Variants in COL4A2 observed in about 807,000 individuals in gnomAD.
COL4A2 encodes collagen type IV alpha 2 chain.
COL4A2 carries 99 observed loss-of-function variants against 200.2 expected under a neutral mutation model. The observed-to-expected ratio is 0.49, with a 90% CI of 0.42 to 0.58. COL4A2 has a LOEUF of 0.58. COL4A2 is among the 20% of genes least tolerant of loss of function. The probability of loss-of-function intolerance (pLI) is 0.00; values close to 1 mark genes in which losing one functional copy is unlikely to be tolerated. For synonymous variants in COL4A2, 897 were observed against 900.6 expected, an observed-to-expected ratio of 1.00 and a Z score of 0.07; for missense variants, 1,950 against 2,314.1, an observed-to-expected ratio of 0.84 and a Z score of 3.23.
chr13:110,368,640 T>G (rs1487114620), intron 4 of COL4A2, among the ~76,000 whole-genome samples: 1 of 152,096 alleles, frequency 6.6e-6, no homozygotes, highest in Non-Finnish European at 1.5e-5. Flanking sequence ...AGGGGAGAGA[T>G]GACCAGGGAG....
Position 110,480,235 on chromosome 13 carries a change from G to T in COL4A2, c.2603G>T (p.Arg868Ile), listed in dbSNP as rs1420866067. 6.2e-7 allele frequency: 1 copy of T among 1,606,074 alleles called. No individual in the cohort carries two copies. ...TTCCTGACAGGTCTGCCTGGTGATAGAGGGGACCCTGGGGACACAGGCGCT... is the reference window on the plus strand; with the variant it reads ...TTCCTGACAGGTCTGCCTGGTGATATAGGGGACCCTGGGGACACAGGCGCT... The part of the protein sequence containing the change: ...IPGREGLPGD[R>I]GDPGDTGAPG... The change falls in exon 31 of 48, where the codon AGA (arginine) becomes ATA (isoleucine). Residue 868 changes from arginine to isoleucine, a missense_variant. Arg to Ile is a moderately conservative substitution (Grantham distance 97). This residue lies in a region of COL4A2 where 1,385 missense variants were observed against 1,720.5 expected (regional missense o/e 0.80). Coordinates refer to ENST00000360467, the MANE Select transcript of COL4A2 (RefSeq NM_001846.4).
At chr13:110,310,012 A>C (rs75163439) in intron 3 of COL4A2, among the ~76,000 whole-genome samples, 1,823 of 152,210 alleles carry the variant, frequency 0.012, 28 homozygotes, top group African/African-American at 0.041. Flanking sequence ...AACAAACAAA[A>C]AAAACCTAGT....
chr13:110,459,290 A>G (rs1881921003), intron 22 of COL4A2: 1 of 197,716 alleles, frequency 5.1e-6, no homozygotes, highest in Non-Finnish European at 1.0e-5. Flanking sequence ...GCATTCTTCA[A>G]AATAGGCAGA....
intron 4 of COL4A2, among the ~76,000 whole-genome samples, chr13:110,373,395 T>C (rs1490838097): frequency 6.6e-6 from 1 of 152,226 alleles, no homozygotes; most frequent in Non-Finnish European, 1.5e-5. Flanking sequence ...AGGGCATCTA[T>C]GGTAGAGGGC....
intron 45 of COL4A2, 145 bp from the exon 46 acceptor site, chr13:110,506,269 TC>T: frequency 1.2e-6 from 1 of 835,742 alleles, no homozygotes; most frequent in South Asian, 2.0e-5. Context: ...TCTCTCTCTC[TC>T]TCTCTCTCTC....
At chr13:110,459,715 G>A (rs1220623229) in intron 22 of COL4A2, 1 of 152,198 alleles carries the variant, frequency 6.6e-6, no homozygotes, top group South Asian at 2.1e-4. Flanking sequence ...CTTTAAAACA[G>A]TGAACTTTGT....
intron 23 of COL4A2, 26 bp downstream of exon 23, chr13:110,462,212 C>T: frequency 4.3e-6 from 7 of 1,614,270 alleles, no homozygotes; most frequent in Admixed American, 1.7e-5. Context: ...GCCACGCGGC[C>T]CCTGGGGCAC....
intron 28 of COL4A2, among the ~76,000 whole-genome samples, chr13:110,471,135 A>T (rs1348102134): frequency 1.3e-5 from 2 of 152,242 alleles, no homozygotes; most frequent in Non-Finnish European, 2.9e-5. Flanking sequence ...TTTTGAGAGA[A>T]GGATAATAAT....
chr13:110,332,454 T>A (rs1875967857), intron 3 of COL4A2, among the ~76,000 whole-genome samples: 2 of 152,206 alleles, frequency 1.3e-5, no homozygotes. Context: ...GAAGTGATAG[T>A]GGCAGCAACA....
At chr13:110,396,607 A>C (rs1879190613) in intron 4 of COL4A2, among the ~76,000 whole-genome samples, 1 of 152,190 alleles carries the variant, frequency 6.6e-6, no homozygotes, top group Non-Finnish European at 1.5e-5. Flanking sequence ...CCCTTTGATC[A>C]TGAGACATCT....
At position 110,371,262 on chromosome 13, in the gene COL4A2, C is replaced by T. The variant is rs188991431; in HGVS notation, c.180+13710C>T. Among the ~76,000 whole-genome samples, 29 of 152,274 alleles carry T rather than the reference C, an allele frequency of 1.9e-4. 1 individual carries two copies. The East Asian group carries it at 2.5e-3, about 13-fold the overall frequency. On this transcript the variant is annotated intron_variant, in intron 4 of 47. Coordinates refer to ENST00000360467, the MANE Select transcript of COL4A2 (RefSeq NM_001846.4). Reference sequence around the variant, plus strand: ...TGCATAGAATTAGTTATTAATTATTCCTACAATTAAGATACTTATGATACA... The same window carrying T: ...TGCATAGAATTAGTTATTAATTATTTCTACAATTAAGATACTTATGATACA...
chr13:110,443,048 G>C (rs889944971), intron 16 of COL4A2, among the ~76,000 whole-genome samples: 1 of 152,242 alleles, frequency 6.6e-6, no homozygotes, highest in Non-Finnish European at 1.5e-5. Flanking sequence ...GGACTCACCA[G>C]ATGCAGCCTC....
intron 3 of COL4A2, among the ~76,000 whole-genome samples, chr13:110,308,839 C>G (rs1884890475): frequency 1.3e-5 from 2 of 152,138 alleles, no homozygotes; most frequent in African/African-American, 4.8e-5. Context: ...GAGTAGGAGC[C>G]ACTTTTACTG....
At chr13:110,359,631 C>G (rs996630800) in intron 4 of COL4A2, among the ~76,000 whole-genome samples, 2 of 152,212 alleles carry the variant, frequency 1.3e-5, no homozygotes, top group African/African-American at 2.4e-5. Context: ...TTTCCCATCC[C>G]TACCTGCCAG....
intron 21 of COL4A2, chr13:110,457,808 G>A (rs1183909973): frequency 2.1e-6 from 1 of 477,694 alleles, no homozygotes; most frequent in South Asian, 1.5e-5. Flanking sequence ...ACAGAGGTCT[G>A]TAGAGAGCTC....
intron 3 of COL4A2, among the ~76,000 whole-genome samples, chr13:110,313,451 C>T (rs533111172): frequency 1.7e-4 from 26 of 152,056 alleles, no homozygotes; most frequent in African/African-American, 5.3e-4. Flanking sequence ...GGCGTCCACC[C>T]GGCAGGCTCC....
At chr13:110,353,000 C>T (rs1877030518) in intron 3 of COL4A2, among the ~76,000 whole-genome samples, 1 of 152,204 alleles carries the variant, frequency 6.6e-6, no homozygotes, top group South Asian at 2.1e-4. Context: ...CCAGGCACAC[C>T]TGCAGGGGGC....
intron 22 of COL4A2, 159 bp downstream of exon 22, chr13:110,459,093 G>C: frequency 2.9e-6 from 2 of 678,358 alleles, no homozygotes; most frequent in Admixed American, 3.6e-5. Context: ...CATACCCCAA[G>C]GCGGACTTTC....
intron 11 of COL4A2, 62 bp from the exon 12 acceptor site, chr13:110,434,339 T>G: frequency 6.6e-7 from 1 of 1,518,110 alleles, no homozygotes; most frequent in East Asian, 2.3e-5. Flanking sequence ...CTAAGAAAAA[T>G]AATTTTATTT....
Sources: gnomAD v4.1 joint callset for allele counts (sites outside exome capture counted in the v4.1 genomes callset) on GRCh38, gnomAD v4.1.1 for gene constraint, gnomAD v4.1.1 regional missense constraint, MANE v1.5 for transcripts, NCBI Gene and HGNC (gene_info 2026-07-23, HGNC 2026-07-21) for gene names.